SLC20A2: variants seen among roughly 807,000 people sequenced by gnomAD.
SLC20A2 encodes solute carrier family 20 member 2, also known as sodium-dependent phosphate transporter 2.
In SLC20A2, 30 loss-of-function variants were observed where a neutral mutation model predicts 61.0. That is an observed-to-expected ratio of 0.49 (90% CI 0.37 to 0.67). The LOEUF is 0.67. Among genes scored for constraint, SLC20A2 ranks in the 30% least tolerant of loss-of-function variants. The pLI is 0.00. For synonymous variants in SLC20A2, 351 were observed against 353.3 expected (o/e 0.99, Z 0.07); for missense variants, 626 against 866.4 (o/e 0.72, Z 3.48).
In SLC20A2 at chr8:42,437,423, G is replaced by T; in HGVS notation, c.1089C>A (p.Ile363=). The stretch of plus-strand genomic sequence containing the variant: ...CTGGCTTCTCCTCGGGGCCCCTGTC[G>T]ATGTGGATTTTGTGCAGCAGATCTT... ...LYKDLLHKIH[I]DRGPEEKPAQ... Residue 363 remains isoleucine, a synonymous_variant, in exon 8 of 11, where the codon ATC becomes ATA. Coordinates refer to ENST00000520262, the MANE Select transcript of SLC20A2 (RefSeq NM_001257180.2). This position sits in a 1 kb window ranked among gnomAD's most constrained non-coding sequence, Gnocchi z 6.4. 2 of 1,614,138 alleles carry T rather than the reference G, an allele frequency of 1.2e-6. No homozygotes were observed. The highest frequency in any genetic ancestry group is 8.5e-7 in the Non-Finnish European group (1 of 1,180,012).
Position 42,437,294 on chromosome 8 carries a change from G to C in SLC20A2, c.1218C>G (p.Asp406Glu). ...TCTCACTGTCCTCTGGGGCCGATGAGTCCGCAGCTCGAAAGGTGGCGTGCA... is the reference window on the plus strand; with the variant it reads ...TCTCACTGTCCTCTGGGGCCGATGACTCCGCAGCTCGAAAGGTGGCGTGCA... ...LPVHATFRAA[D>E]SSAPEDSEKL... The change falls in exon 8 of 11, where the codon GAC becomes GAG. Residue 406 changes from aspartate (D) to glutamate (E), a missense_variant. Coordinates refer to ENST00000520262, the MANE Select transcript of SLC20A2 (RefSeq NM_001257180.2). This position sits in a 1 kb window ranked among gnomAD's most constrained non-coding sequence, Gnocchi z 6.4. 1 of 1,614,176 alleles carries C rather than the reference G, an allele frequency of 6.2e-7. No individual in the cohort carries two copies. Among genetic ancestry groups the C allele is most frequent in the Non-Finnish European group, 8.5e-7 (1 of 1,180,040 alleles).
At chr8:42,427,452 G>A (rs143384188) in intron 10 of SLC20A2, among the ~76,000 whole-genome samples, 258 of 152,314 alleles carry the variant, frequency 1.7e-3, no homozygotes, top group African/African-American at 5.9e-3. Flanking sequence ...CTCACCTGTG[G>A]ACTGGGAGTG....
upstream of SLC20A2, among the ~76,000 whole-genome samples, chr8:42,505,936 T>C (rs1226623434): frequency 6.7e-6 from 1 of 149,730 alleles, no homozygotes; most frequent in South Asian, 2.1e-4. Context: ...GAAAAAACTC[T>C]TCAACTCGTT....
At chr8:42,502,172 T>C (rs35849052), upstream of SLC20A2, 49,084 of 150,750 alleles carry the variant, frequency 0.33, 8,729 homozygotes, top group East Asian at 0.41. Flanking sequence ...TTTTTTTTTT[T>C]CCCACAGACA....
Position 42,513,568 on chromosome 8 carries a change from T to C in SLC20A2, c.-265+28253A>G, listed in dbSNP as rs372032502. Among the ~76,000 whole-genome samples, 32 of 152,306 alleles carry C rather than the reference T, an allele frequency of 2.1e-4. No individual in the cohort carries two copies. The South Asian group carries it at 6.0e-3, about 29-fold the overall frequency. ...CACTTTTAACCACTCCTATACCACA[T>C]TGACTTGCATTCCCCAACCCCATAG... On this transcript the variant is annotated intron_variant, in intron 1 of 10. Coordinates refer to the SLC20A2 transcript ENST00000342228.
chr8:42,450,595 C>T (rs1805569735), intron 5 of SLC20A2, among the ~76,000 whole-genome samples: 1 of 152,112 alleles, frequency 6.6e-6, no homozygotes. Flanking sequence ...TCAATCTCCA[C>T]TCACTGCAGC....
intron 10 of SLC20A2, among the ~76,000 whole-genome samples, chr8:42,427,181 C>T (rs973003957): frequency 1.3e-5 from 2 of 152,252 alleles, no homozygotes; most frequent in African/African-American, 4.8e-5. Context: ...TGGGCTGCTC[C>T]CTGGCTGTGT....
intron 1 of SLC20A2, among the ~76,000 whole-genome samples, chr8:42,474,914 G>A (rs1012614816): frequency 6.7e-6 from 1 of 148,440 alleles, no homozygotes; most frequent in Non-Finnish European, 1.5e-5. Flanking sequence ...CCAGAGTCAC[G>A]CTGGGCCTGG....
At chr8:42,530,510 C>T (rs1031350530) in intron 1 of SLC20A2, among the ~76,000 whole-genome samples, 1 of 152,152 alleles carries the variant, frequency 6.6e-6, no homozygotes, top group Admixed American at 6.5e-5. Flanking sequence ...AAGACCTACT[C>T]CAATAATGTT....
chr8:42,459,597 G>A (rs182991766), intron 5 of SLC20A2, among the ~76,000 whole-genome samples: 8 of 152,356 alleles, frequency 5.3e-5, no homozygotes, highest in East Asian at 1.9e-4. Flanking sequence ...ACACAGCTGC[G>A]TAAATGGCAG....
At chr8:42,497,714 G>GA (rs962653114) in intron 1 of SLC20A2, among the ~76,000 whole-genome samples, 11 of 135,548 alleles carry the variant, frequency 8.1e-5, no homozygotes, top group Admixed American at 1.5e-4. Context: ...CCCTCAATTG[G>GA]TTTTTTTTTT....
intron 3 of SLC20A2, among the ~76,000 whole-genome samples, chr8:42,465,540 A>T (rs1807086727): frequency 6.6e-6 from 1 of 151,790 alleles, no homozygotes; most frequent in Non-Finnish European, 1.5e-5. Context: ...AAAAATACAA[A>T]AATTAGCAGG....
At chr8:42,541,637 C>T (rs1192583027) in intron 1 of SLC20A2, 1 of 150,112 alleles carries the variant, frequency 6.7e-6, no homozygotes, top group African/African-American at 2.4e-5. Context: ...CGCGCCCGGC[C>T]CCGACTCCGG....
chr8:42,484,717 G>C, intron 1 of SLC20A2: 1 of 381,244 alleles, frequency 2.6e-6, no homozygotes, highest in South Asian at 2.4e-5. Context: ...TGTGGTCTAT[G>C]GCTGGCAGCC....
In SLC20A2 at chr8:42,501,142, C is replaced by T. The variant is rs1340473052; in HGVS notation, c.-376G>A. 1.3e-5 allele frequency: 2 copies of T among 152,190 alleles called. No homozygotes were observed. The highest frequency in any genetic ancestry group is 4.8e-5 in the African/African-American group (2 of 41,432). The allele number at this position is 152,190 out of a possible 1,614,324, so 9.4% of individuals were successfully genotyped here. ...CCTACCACATTAGGCCGAGAAGTCA[C>T]ATTTCAGCTTGCTAACTTCTACTTT... is the stretch of plus-strand genomic sequence containing the variant. On this transcript the variant is annotated 5_prime_UTR_variant, in exon 1 of 11. It adds an upstream start codon to the 5' untranslated region. Coordinates refer to ENST00000520262, the MANE Select transcript of SLC20A2 (RefSeq NM_001257180.2).
chr8:42,476,448 A>G (rs1023660558), intron 1 of SLC20A2, among the ~76,000 whole-genome samples: 1 of 152,100 alleles, frequency 6.6e-6, no homozygotes, highest in Non-Finnish European at 1.5e-5. Context: ...TGCACCTTGA[A>G]TATGGCAGTG....
At chr8:42,438,918 T>C (rs1186224783) in intron 7 of SLC20A2, among the ~76,000 whole-genome samples, 1 of 152,166 alleles carries the variant, frequency 6.6e-6, no homozygotes, top group Non-Finnish European at 1.5e-5. Flanking sequence ...GGTTTCACCA[T>C]GTTGGTCAGG....
At chr8:42,477,464 C>CTTT (rs56302974) in intron 1 of SLC20A2, among the ~76,000 whole-genome samples, 4 of 50,284 alleles carry the variant, frequency 8.0e-5, no homozygotes, top group African/African-American at 1.6e-4. Context: ...GGGACAGGGA[C>CTTT]TTTTTTTTTT....
Position 42,521,906 on chromosome 8 carries a change from G to A in SLC20A2, c.-265+19915C>T. Among the ~76,000 whole-genome samples, 2 of 121,530 alleles carry A rather than the reference G, an allele frequency of 1.6e-5. 1 individual carries two copies. The highest frequency in any genetic ancestry group is 5.9e-4 in the South Asian group (2 of 3,406). 79.7% of individuals were successfully genotyped at this position (121,530 alleles called of 152,430 possible). ...GTAAAACAGGGAAATCTGGGAATAA[G>A]CTCTGTGGGTGACTCAGATTTATGG... On this transcript the variant is annotated intron_variant, in intron 1 of 10. Transcript: ENST00000342228.
Sources: allele counts gnomAD v4.1 joint callset (sites outside exome capture counted in the v4.1 genomes callset), GRCh38; gene constraint gnomAD v4.1.1; non-coding constraint Gnocchi (gnomAD v3.1); transcripts MANE v1.5; gene names NCBI Gene and HGNC (gene_info 2026-07-23, HGNC 2026-07-21).